SEC14L1: variants seen among roughly 807,000 people sequenced by gnomAD.
SEC14L1 encodes SEC14-like protein 1.
In SEC14L1, 48 loss-of-function variants were observed where a neutral mutation model predicts 85.3. That is an observed-to-expected ratio of 0.56 (90% CI 0.45 to 0.72). The LOEUF (loss-of-function observed/expected upper bound fraction) is 0.72, where lower values mean the gene tolerates loss of function less well. SEC14L1 is among the 30% of genes least tolerant of loss of function. The probability of loss-of-function intolerance (pLI) is 0.00; values close to 1 mark genes in which losing one functional copy is unlikely to be tolerated. For missense variants in SEC14L1, 682 were observed against 921.4 expected, an observed-to-expected ratio of 0.74 and a Z score of 3.36; for synonymous variants, 391 against 355.5, an observed-to-expected ratio of 1.10 and a Z score of -1.12.
chr17:77,154,628 G>GT (rs762438243), intron 3 of SEC14L1, among the ~76,000 whole-genome samples: 220 of 84,966 alleles, frequency 2.6e-3, no homozygotes, highest in Middle Eastern at 7.6e-3. Flanking sequence ...GCCCCTTCTG[G>GT]TTTTTTTTGT....
At chr17:77,108,592 A>G (rs1971972497) in intron 3 of SEC14L1, among the ~76,000 whole-genome samples, 1 of 151,964 alleles carries the variant, frequency 6.6e-6, no homozygotes, top group South Asian at 2.1e-4. Context: ...CAAAAATATT[A>G]GCCAGTCATG....
chr17:77,167,649 C>T (rs1338847016), intron 3 of SEC14L1, among the ~76,000 whole-genome samples: 1 of 152,164 alleles, frequency 6.6e-6, no homozygotes, highest in East Asian at 1.9e-4. Flanking sequence ...GATACTGATG[C>T]AGGATTTTTT....
chr17:77,170,249 G>A (rs1974467064), intron 3 of SEC14L1, among the ~76,000 whole-genome samples: 1 of 152,292 alleles, frequency 6.6e-6, no homozygotes, highest in South Asian at 2.1e-4. Flanking sequence ...CGTGACTCTG[G>A]TTGGGGTGGG....
intron 3 of SEC14L1, among the ~76,000 whole-genome samples, chr17:77,110,334 A>G (rs754160786): frequency 1.3e-5 from 2 of 152,170 alleles, no homozygotes; most frequent in Non-Finnish European, 2.9e-5. Flanking sequence ...CCCTTTAGAG[A>G]GCCTGGATCT....
upstream of SEC14L1, among the ~76,000 whole-genome samples, chr17:77,138,293 T>G (rs1281816403): frequency 6.6e-6 from 1 of 152,100 alleles, no homozygotes. Flanking sequence ...TGGCTAATGT[T>G]AGTCCTACAA....
intron 3 of SEC14L1, among the ~76,000 whole-genome samples, chr17:77,187,066 C>T (rs912310320): frequency 2.2e-4 from 33 of 152,206 alleles, no homozygotes; most frequent in African/African-American, 7.0e-4. Context: ...TGATATGATG[C>T]TCAAAGGAAA....
intron 3 of SEC14L1, among the ~76,000 whole-genome samples, chr17:77,110,019 A>G (rs1225309173): frequency 6.6e-6 from 1 of 152,198 alleles, no homozygotes; most frequent in Non-Finnish European, 1.5e-5. Context: ...CAAGCAACAC[A>G]ATAGTTGGAA....
chr17:77,212,422 C>T (rs1187387708), intron 15 of SEC14L1, among the ~76,000 whole-genome samples: 2 of 152,142 alleles, frequency 1.3e-5, no homozygotes, highest in East Asian at 1.9e-4. Context: ...GCGACTTTTC[C>T]CAAAAGCAGC....
chr17:77,117,839 A>T (rs1272562304), intron 3 of SEC14L1, among the ~76,000 whole-genome samples: 1 of 152,172 alleles, frequency 6.6e-6, no homozygotes, highest in Non-Finnish European at 1.5e-5. Flanking sequence ...TGACAGAATG[A>T]TTTGGCCTTT....
chr17:77,108,599 C>T (rs1021203433), intron 3 of SEC14L1, among the ~76,000 whole-genome samples: 3 of 151,806 alleles, frequency 2.0e-5, no homozygotes, highest in African/African-American at 7.3e-5. Context: ...ATTAGCCAGT[C>T]ATGGTGGTGC....
At chr17:77,096,672 C>T (rs777499200) in intron 3 of SEC14L1, among the ~76,000 whole-genome samples, 1 of 152,158 alleles carries the variant, frequency 6.6e-6, no homozygotes, top group Non-Finnish European at 1.5e-5. Flanking sequence ...TGTAATCCAA[C>T]ACCAGACTGT....
At chr17:77,172,095 C>T (rs886879185) in intron 3 of SEC14L1, among the ~76,000 whole-genome samples, 2 of 151,962 alleles carry the variant, frequency 1.3e-5, no homozygotes, top group South Asian at 4.1e-4. Context: ...CTTTTACTCC[C>T]GAAATAAAAA....
intron 3 of SEC14L1, among the ~76,000 whole-genome samples, chr17:77,186,441 C>A (rs1975270755): frequency 6.6e-6 from 1 of 152,270 alleles, no homozygotes; most frequent in African/African-American, 2.4e-5. Context: ...CCTCTCCACG[C>A]AGAGCGTGTT....
Position 77,215,708 on chromosome 17 carries a change from A to T in SEC14L1, c.*1685A>T. On this transcript the variant is annotated 3_prime_UTR_variant, in exon 17 of 17. Transcript: ENST00000436233. The stretch of plus-strand genomic sequence containing the variant: ...GGTACCTGAAGCCTTTGCTTCCGGA[A>T]AGCGCGGTAGGGTTCGTAGGTAGGG... 1.0e-6 allele frequency: 1 copy of T among 994,400 alleles called. No individual in the cohort carries two copies. The highest frequency in any genetic ancestry group is 1.2e-6 in the Non-Finnish European group (1 of 834,296). 61.6% of individuals were successfully genotyped at this position (994,400 alleles called of 1,614,324 possible).
intron 10 of SEC14L1, 132 bp downstream of exon 10, chr17:77,203,790 T>A: frequency 1.5e-6 from 1 of 654,672 alleles, no homozygotes; most frequent in Non-Finnish European, 2.6e-6. Flanking sequence ...GAAAATATAT[T>A]AATATCGTCT....
At chr17:77,207,555 G>A (rs965989031) in intron 13 of SEC14L1, among the ~76,000 whole-genome samples, 6 of 152,048 alleles carry the variant, frequency 3.9e-5, no homozygotes, top group Non-Finnish European at 7.4e-5. Flanking sequence ...AGATTCAAGC[G>A]ATTCTTCAGT....
intron 3 of SEC14L1, among the ~76,000 whole-genome samples, chr17:77,165,234 A>G (rs1195845825): frequency 6.6e-6 from 1 of 152,186 alleles, no homozygotes; most frequent in African/African-American, 2.4e-5. Context: ...TGAACCCCGA[A>G]TATCTGAGAC....
chr17:77,090,291 CAA>C (rs541086562), intron 2 of SEC14L1, among the ~76,000 whole-genome samples: 24 of 112,104 alleles, frequency 2.1e-4, no homozygotes, highest in East Asian at 2.5e-4. Context: ...GACTCCATCT[CAA>C]AAAAAAAAAA....
At chr17:77,199,704 G>T (rs1034629174) in intron 8 of SEC14L1, among the ~76,000 whole-genome samples, 1 of 152,182 alleles carries the variant, frequency 6.6e-6, no homozygotes, top group African/African-American at 2.4e-5. Context: ...TGAAGCATTT[G>T]ATGTTTAGGG....
Sources: allele counts gnomAD v4.1 joint callset (sites outside exome capture counted in the v4.1 genomes callset), GRCh38; gene constraint gnomAD v4.1.1; transcripts MANE v1.5; gene names NCBI Gene and HGNC (gene_info 2026-07-23, HGNC 2026-07-21).